Variants in FMNL2 observed in about 807,000 individuals in gnomAD.
The protein encoded by FMNL2 is formin-like protein 2.
Under a neutral mutation model 130.2 loss-of-function variants are expected in FMNL2, and 51 were observed. The ratio of observed to expected loss-of-function variants is 0.39; its 90% CI spans 0.31 to 0.49. FMNL2 has a LOEUF of 0.49. Among genes scored for constraint, FMNL2 ranks in the 20% least tolerant of loss-of-function variants. The pLI is 0.85. For missense variants in FMNL2, 977 were observed against 1,316.2 expected, an observed-to-expected ratio of 0.74 and a Z score of 3.99; for synonymous variants, 465 against 467.1, an observed-to-expected ratio of 1.00 and a Z score of 0.06.
chr2:152,643,578 C>T, intron 25 of FMNL2: 2 of 1,529,874 alleles, frequency 1.3e-6, no homozygotes, highest in Non-Finnish European at 8.8e-7. Flanking sequence ...TTATGTCCCC[C>T]TCTGTGTGTC....
intron 20 of FMNL2, among the ~76,000 whole-genome samples, 177 bp downstream of exon 20, chr2:152,630,082 C>A (rs910877739): frequency 1.3e-5 from 2 of 152,118 alleles, no homozygotes; most frequent in African/African-American, 4.8e-5. Flanking sequence ...TTACTCATAC[C>A]CTTTGACTCA....
At chr2:152,587,988 G>GAA (rs1042168928) in intron 9 of FMNL2, among the ~76,000 whole-genome samples, 33 of 152,358 alleles carry the variant, frequency 2.2e-4, no homozygotes, top group African/African-American at 6.5e-4. Context: ...GGCAGATGGG[G>GAA]AAAGAGCTCT....
rs557624378 is a variant in FMNL2 at position 152,496,753 on chromosome 2, T to C, written c.118-25190T>C. 2.6e-5 allele frequency among the ~76,000 whole-genome samples: 4 copies of C among 152,320 alleles called. No homozygotes were observed. The East Asian group carries it at 7.7e-4, about 29-fold the overall frequency. ...ATATTTGGTTATGGGTTACAATCTC[T>C]TCCTATGATTATTTATTATATTGCT... is the stretch of plus-strand genomic sequence containing the variant. On this transcript the variant is annotated intron_variant, in intron 1 of 25. Coordinates refer to ENST00000288670, the MANE Select transcript of FMNL2 (RefSeq NM_052905.4).
chr2:152,369,135 T>G (rs11885624), intron 1 of FMNL2, among the ~76,000 whole-genome samples: 66,762 of 152,108 alleles, frequency 0.44, 16,291 homozygotes, highest in Non-Finnish European at 0.57. Flanking sequence ...TACTTCCCAC[T>G]TTGTTTTAAA....
At position 152,348,959 on chromosome 2, in the gene FMNL2, C is replaced by G. The variant is rs539527997; in HGVS notation, c.117+13239C>G. On this transcript the variant is annotated intron_variant, in intron 1 of 25. Transcript: ENST00000288670. The stretch of plus-strand genomic sequence containing the variant: ...ACGCCATTCTCCTGCCTCAGCCTCC[C>G]CAGTAGCTGGGACTACAGGTGCCCG... Among the ~76,000 whole-genome samples, 412 of 144,530 alleles carry G rather than the reference C, an allele frequency of 2.9e-3. 51 individuals are homozygous for G. Among genetic ancestry groups the G allele is most frequent in the African/African-American group, 0.01 (390 of 37,864 alleles). 94.8% of individuals were successfully genotyped at this position (144,530 alleles called of 152,430 possible).
intron 25 of FMNL2, among the ~76,000 whole-genome samples, chr2:152,642,863 G>A (rs936066463): frequency 6.6e-6 from 1 of 152,038 alleles, no homozygotes; most frequent in Admixed American, 6.6e-5. Flanking sequence ...AAAAATCTTA[G>A]CCAGGCATGG....
intron 1 of FMNL2, among the ~76,000 whole-genome samples, chr2:152,383,540 G>T (rs1684611958): frequency 6.6e-6 from 1 of 152,112 alleles, no homozygotes; most frequent in African/African-American, 2.4e-5. Context: ...TTCGAGACCA[G>T]CCTGGGCAAC....
At chr2:152,483,181 A>AC (rs2105244048) in intron 1 of FMNL2, among the ~76,000 whole-genome samples, 1 of 152,284 alleles carries the variant, frequency 6.6e-6, no homozygotes, top group African/African-American at 2.4e-5. Context: ...TCTTTAAAAA[A>AC]ACACACACGC....
chr2:152,538,447 T>C (rs1221856605), intron 2 of FMNL2, among the ~76,000 whole-genome samples: 1 of 151,922 alleles, frequency 6.6e-6, no homozygotes, highest in African/African-American at 2.4e-5. Context: ...GCCTGACTAA[T>C]TTTTGTATTT....
At chr2:152,407,506 A>G (rs1462345169) in intron 1 of FMNL2, among the ~76,000 whole-genome samples, 1 of 152,132 alleles carries the variant, frequency 6.6e-6, no homozygotes, top group African/African-American at 2.4e-5. Context: ...GTTCACTGGA[A>G]AAGTCCCCAA....
intron 1 of FMNL2, among the ~76,000 whole-genome samples, chr2:152,415,120 G>A (rs151051870): frequency 2.0e-5 from 3 of 151,904 alleles, no homozygotes; most frequent in African/African-American, 7.2e-5. Flanking sequence ...CTACAGCAGA[G>A]GTGTGAATCT....
At chr2:152,414,554 C>A (rs1229861819) in intron 1 of FMNL2, among the ~76,000 whole-genome samples, 2 of 152,178 alleles carry the variant, frequency 1.3e-5, no homozygotes, top group African/African-American at 4.8e-5. Context: ...TCTTTCATAG[C>A]AAGGACTATC....
chr2:152,357,155 C>A (rs111565249), intron 1 of FMNL2, among the ~76,000 whole-genome samples: 1,546 of 32,868 alleles, frequency 0.047, 31 homozygotes, highest in East Asian at 0.3. Context: ...AATATTACAT[C>A]AGTTTAATGT....
At position 152,648,376 on chromosome 2, in the gene FMNL2, T is replaced by G. The variant is rs563239839; in HGVS notation, c.*471T>G. 2 of 155,100 alleles carry G rather than the reference T, an allele frequency of 1.3e-5. No individual in the cohort carries two copies. Among genetic ancestry groups the G allele is most frequent in the African/African-American group, 2.4e-5 (1 of 41,590 alleles). The allele number at this position is 155,100 out of a possible 1,614,324, so 9.6% of individuals were successfully genotyped here. A position where few individuals can be genotyped will look rare whatever the true frequency, so the allele number is the denominator to read the frequency against. On this transcript the variant is annotated 3_prime_UTR_variant, in exon 26 of 26. Coordinates refer to ENST00000288670, the MANE Select transcript of FMNL2 (RefSeq NM_052905.4). Reference sequence around the variant, plus strand: ...ATTTGGAAGAAGGAAAGTCACATGATGAAACTCCTTTTGTCTATAACCAGG... The same window carrying G: ...ATTTGGAAGAAGGAAAGTCACATGAGGAAACTCCTTTTGTCTATAACCAGG...
At chr2:152,495,002 G>A (rs994457010) in intron 1 of FMNL2, among the ~76,000 whole-genome samples, 2 of 152,164 alleles carry the variant, frequency 1.3e-5, no homozygotes, top group Non-Finnish European at 2.9e-5. Context: ...TTTTGTTATA[G>A]CTCAGTTTAA....
rs1319194692 is a variant in FMNL2, at chr2:152,336,130, G to T, written c.117+410G>T. 4.6e-5 allele frequency among the ~76,000 whole-genome samples: 6 copies of T among 129,606 alleles called. No homozygotes were observed. The East Asian group carries it at 2.5e-3, about 54-fold the overall frequency. 85.0% of individuals were successfully genotyped at this position (129,606 alleles called of 152,430 possible). On this transcript the variant is annotated intron_variant, in intron 1 of 25. Coordinates refer to ENST00000288670, the MANE Select transcript of FMNL2 (RefSeq NM_052905.4). ...AACAAAACAAAACAAAACACCCTGAGCCCCTGCGGACCATCCCTCGGGCGG... is the reference window on the plus strand; with the variant it reads ...AACAAAACAAAACAAAACACCCTGATCCCCTGCGGACCATCCCTCGGGCGG...
intron 1 of FMNL2, among the ~76,000 whole-genome samples, chr2:152,402,921 G>T (rs889320696): frequency 2.0e-5 from 3 of 152,158 alleles, no homozygotes; most frequent in Non-Finnish European, 4.4e-5. Context: ...CCAGGATGCG[G>T]TGTCACATTT....
chr2:152,619,329 C>T (rs1033667180), intron 14 of FMNL2, among the ~76,000 whole-genome samples, 171 bp downstream of exon 14: 3 of 152,238 alleles, frequency 2.0e-5, no homozygotes, highest in Non-Finnish European at 4.4e-5. Flanking sequence ...TATAAATCCT[C>T]ATTTCACATA....
chr2:152,443,328 T>TAAG (rs771893333), intron 1 of FMNL2, among the ~76,000 whole-genome samples: 2 of 152,168 alleles, frequency 1.3e-5, no homozygotes, highest in Non-Finnish European at 2.9e-5. Context: ...GAGAGGCTTC[T>TAAG]ACCACTTTGG....
Sources: gnomAD v4.1 joint callset for allele counts (sites outside exome capture counted in the v4.1 genomes callset) on GRCh38, gnomAD v4.1.1 for gene constraint, MANE v1.5 for transcripts, NCBI Gene and HGNC (gene_info 2026-07-23, HGNC 2026-07-21) for gene names.